Variants in KATNAL2 observed in about 807,000 individuals in gnomAD.
KATNAL2 encodes katanin p60 ATPase-containing subunit A-like 2.
Under a neutral mutation model 76.3 loss-of-function variants are expected in KATNAL2, and 52 were observed. That is an observed-to-expected ratio of 0.68 (90% CI 0.55 to 0.86). KATNAL2 has a LOEUF of 0.86. Ranked by LOEUF, KATNAL2 falls within the 40% of genes least tolerant of loss-of-function variation. The pLI is 0.00. For missense variants in KATNAL2, 660 were observed against 668.9 expected, an observed-to-expected ratio of 0.99 and a Z score of 0.15; for synonymous variants, 243 against 244.2, an observed-to-expected ratio of 1.00 and a Z score of 0.05.
At chr18:47,060,284 G>A (rs867940776) in intron 8 of KATNAL2, among the ~76,000 whole-genome samples, 2 of 152,146 alleles carry the variant, frequency 1.3e-5, no homozygotes, top group Non-Finnish European at 2.9e-5. Context: ...GCGTTATTTA[G>A]TGAGTTGGAA....
At chr18:47,086,367 A>C (rs2062772350) in intron 15 of KATNAL2, among the ~76,000 whole-genome samples, 1 of 152,012 alleles carries the variant, frequency 6.6e-6, no homozygotes, top group South Asian at 2.1e-4. Flanking sequence ...GGAGTGCTGG[A>C]GTGCAGTGGC....
chr18:46,960,747 C>A (rs934349861), intron 3 of KATNAL2, among the ~76,000 whole-genome samples: 2 of 152,142 alleles, frequency 1.3e-5, no homozygotes, highest in Non-Finnish European at 2.9e-5. Flanking sequence ...CCAGGCACAG[C>A]CTAGAATAAA....
intron 3 of KATNAL2, 134 bp downstream of exon 3, chr18:46,947,057 CT>C (rs1317484403): frequency 8.6e-6 from 6 of 701,710 alleles, no homozygotes; most frequent in Non-Finnish European, 1.3e-5. Context: ...GTGAGAGGCG[CT>C]CGGCCGAGGT....
At chr18:46,957,342 C>G (rs965954026) in intron 3 of KATNAL2, among the ~76,000 whole-genome samples, 6 of 150,472 alleles carry the variant, frequency 4.0e-5, no homozygotes, top group African/African-American at 1.5e-4. Context: ...CAGGCTCCGC[C>G]CCCCGGGGTT....
chr18:47,058,485 GT>G (rs1336548193), intron 7 of KATNAL2, 133 bp downstream of exon 7: 4 of 607,194 alleles, frequency 6.6e-6, no homozygotes, highest in Non-Finnish European at 1.2e-5. Flanking sequence ...TGAATTTTAG[GT>G]TTTCTTCCAG....
At chr18:46,929,369 A>T (rs1163435158) in intron 1 of KATNAL2, among the ~76,000 whole-genome samples, 1 of 152,018 alleles carries the variant, frequency 6.6e-6, no homozygotes, top group African/African-American at 2.4e-5. Flanking sequence ...CAGCCTCCCA[A>T]GTAGCTGGGC....
intron 1 of KATNAL2, among the ~76,000 whole-genome samples, chr18:46,931,143 T>TAATAAAAAA (rs2058906215): frequency 1.6e-5 from 1 of 61,748 alleles, no homozygotes; most frequent in African/African-American, 5.4e-5. Flanking sequence ...TAATAATAAA[T>TAATAAAAAA]AAATAAATTA....
chr18:47,101,062 T>C lies in KATNAL2; in HGVS notation c.*57T>C. The C allele has an allele frequency of 6.3e-7, 1 of 1,587,960 alleles. No individual in the cohort carries two copies. The highest frequency in any genetic ancestry group is 2.2e-5 in the East Asian group (1 of 44,596). On this transcript the variant is annotated 3_prime_UTR_variant, in exon 18 of 18. Transcript: ENST00000683218. ...CAACCACAAAGACCTCCTAGTTTATTAATGTCCGTGGGAGAACAAAATGAT... is the reference window on the plus strand; with the variant it reads ...CAACCACAAAGACCTCCTAGTTTATCAATGTCCGTGGGAGAACAAAATGAT...
intron 11 of KATNAL2, among the ~76,000 whole-genome samples, chr18:47,067,729 T>G (rs186355001): frequency 6.6e-5 from 10 of 152,370 alleles, no homozygotes; most frequent in Non-Finnish European, 2.9e-5. Flanking sequence ...ATAACTTAGC[T>G]TTTGTTGTAT....
intron 3 of KATNAL2, among the ~76,000 whole-genome samples, chr18:47,043,013 G>A (rs2061014590): frequency 6.6e-6 from 1 of 152,020 alleles, no homozygotes; most frequent in Non-Finnish European, 1.5e-5. Flanking sequence ...GGATCACGAG[G>A]CCAGGAGATC....
intron 10 of KATNAL2, among the ~76,000 whole-genome samples, chr18:47,064,473 C>G (rs1183613083): frequency 6.6e-6 from 1 of 152,018 alleles, no homozygotes; most frequent in Non-Finnish European, 1.5e-5. Context: ...TGAGAACACA[C>G]CTATAGAAGA....
At chr18:46,968,129 T>C (rs1268804884) in intron 3 of KATNAL2, among the ~76,000 whole-genome samples, 5 of 117,660 alleles carry the variant, frequency 4.2e-5, no homozygotes, top group Non-Finnish European at 7.6e-5. Context: ...GGTTTCTCCG[T>C]TTGGCCCAGC....
At chr18:46,924,218 T>G (rs567364462) in intron 1 of KATNAL2, among the ~76,000 whole-genome samples, 136 of 152,358 alleles carry the variant, frequency 8.9e-4, no homozygotes, top group African/African-American at 3.1e-3. Flanking sequence ...GGTCTAACAT[T>G]TAAGTCTTTA....
At chr18:46,952,062 C>T (rs1372817899) in intron 3 of KATNAL2, among the ~76,000 whole-genome samples, 1 of 151,734 alleles carries the variant, frequency 6.6e-6, no homozygotes. Context: ...CATGAGCCAC[C>T]ATGCTAGGCC....
chr18:47,057,677 C>T (rs2061509658), intron 6 of KATNAL2, among the ~76,000 whole-genome samples: 1 of 152,190 alleles, frequency 6.6e-6, no homozygotes, highest in African/African-American at 2.4e-5. Context: ...TCTGGGACAA[C>T]ATTGATGAAG....
At chr18:47,033,399 C>G in intron 3 of KATNAL2, 1 of 1,614,190 alleles carries the variant, frequency 6.2e-7, no homozygotes, top group Non-Finnish European at 8.5e-7. Flanking sequence ...TATTCGTTGT[C>G]ATTACTCTCA....
At chr18:47,077,508 T>C in intron 15 of KATNAL2, 47 bp downstream of exon 15, 1 of 1,368,382 alleles carries the variant, frequency 7.3e-7, no homozygotes, top group Non-Finnish European at 1.0e-6. Context: ...CAGGAGTCAC[T>C]AAGTGCAAAT....
intron 1 of KATNAL2, among the ~76,000 whole-genome samples, chr18:46,929,929 C>T (rs965411048): frequency 1.3e-5 from 2 of 152,034 alleles, no homozygotes; most frequent in African/African-American, 4.8e-5. Flanking sequence ...CGCATGCCAC[C>T]ACGCCGGGCT....
chr18:47,043,112 A>G (rs2061019839), intron 3 of KATNAL2, among the ~76,000 whole-genome samples: 1 of 152,014 alleles, frequency 6.6e-6, no homozygotes, highest in African/African-American at 2.4e-5. Context: ...CTGTAGTCCC[A>G]GCTACTCGGG....
Sources: gnomAD v4.1 joint callset for allele counts (sites outside exome capture counted in the v4.1 genomes callset) on GRCh38, gnomAD v4.1.1 for gene constraint, MANE v1.5 for transcripts, NCBI Gene and HGNC (gene_info 2026-07-23, HGNC 2026-07-21) for gene names.